Variants in ANKRD11 observed in about 807,000 individuals in gnomAD.
ANKRD11 encodes the protein ankyrin repeat domain 11, also known as ankyrin repeat domain-containing protein 11.
A neutral mutation model predicts 195.7 loss-of-function variants in ANKRD11; 17 were observed. That is an observed-to-expected ratio of 0.09 (90% CI 0.06 to 0.13). ANKRD11 has a LOEUF of 0.13. Among genes scored for constraint, ANKRD11 ranks in the 10% least tolerant of loss-of-function variants. The pLI, the probability that ANKRD11 is intolerant of heterozygous loss-of-function variation, is 1.00. For synonymous variants in ANKRD11, 1,953 were observed against 1,528.1 expected, an observed-to-expected ratio of 1.28 and a Z score of -6.49; for missense variants, 3,735 against 3,566.1, an observed-to-expected ratio of 1.05 and a Z score of -1.21.
At chr16:89,423,418 G>A (rs1730162583) in intron 1 of ANKRD11, among the ~76,000 whole-genome samples, 2 of 152,338 alleles carry the variant, frequency 1.3e-5, no homozygotes, top group East Asian at 1.9e-4. Flanking sequence ...CCCACAGAAC[G>A]GCCCGCAGTG....
chr16:89,386,409 C>T (rs956532668), intron 2 of ANKRD11, among the ~76,000 whole-genome samples: 1 of 152,160 alleles, frequency 6.6e-6, no homozygotes, highest in African/African-American at 2.4e-5. Flanking sequence ...CACCCTTTAC[C>T]CAAGGAGACG....
At chr16:89,409,569 G>C (rs570573638) in intron 2 of ANKRD11, among the ~76,000 whole-genome samples, 1 of 152,170 alleles carries the variant, frequency 6.6e-6, no homozygotes, top group Non-Finnish European at 1.5e-5. Flanking sequence ...ATCACACAGC[G>C]TTGGGAGGCA....
chr16:89,280,787 C>G lies in ANKRD11; in HGVS notation c.5755G>C (p.Ala1919Pro). ...TCCGGGGGGATGATGGCGGCCGTCGCCTGCTGGTCCTCGGAGGTGTCCAGG... is the reference window on the plus strand; with the variant it reads ...TCCGGGGGGATGATGGCGGCCGTCGGCTGCTGGTCCTCGGAGGTGTCCAGG... ...PDLDTSEDQQ[A>P]TAAIIPPEPS... Residue 1919 changes from alanine (A) to proline (P), a missense_variant, in exon 9 of 13, where the codon GCG becomes CCG. Transcript: ENST00000301030. 6.2e-7 allele frequency: 1 copy of G among 1,611,042 alleles called. No homozygotes were observed. The highest frequency in any genetic ancestry group is 8.5e-7 in the Non-Finnish European group (1 of 1,177,928).
chr16:89,274,711 C>G, intron 11 of ANKRD11, 103 bp downstream of exon 11: 1 of 1,545,608 alleles, frequency 6.5e-7, no homozygotes, highest in Non-Finnish European at 8.8e-7. Flanking sequence ...GTGCTGAGCA[C>G]CCGGGAAGCT....
chr16:89,314,880 C>T (rs572980692), intron 3 of ANKRD11, among the ~76,000 whole-genome samples: 1 of 152,300 alleles, frequency 6.6e-6, no homozygotes, highest in East Asian at 1.9e-4. Context: ...CTCTGTGAAG[C>T]GCAGGCCAGG....
rs112359998 is a variant in ANKRD11 at position 89,438,075 on chromosome 16, C to T, written c.-144-19707G>A. Among the ~76,000 whole-genome samples, 31 of 152,258 alleles carry T rather than the reference C, an allele frequency of 2.0e-4. 1 individual carries two copies. Among genetic ancestry groups the T allele is most frequent in the East Asian group, 5.8e-4 (3 of 5,174 alleles). On this transcript the variant is annotated intron_variant, in intron 1 of 12. Coordinates refer to ENST00000301030, the MANE Select transcript of ANKRD11 (RefSeq NM_013275.6). ...AAGTGGCAGTGTCCCAAGGAGAGCC[C>T]GCTGGCCAGGAGGGCACCGCAAGCT...
At position 89,280,145 on chromosome 16, in the gene ANKRD11, G is replaced by A. The variant is rs1327369167; in HGVS notation, c.6397C>T (p.Leu2133=). Residue 2133 remains leucine (L), a synonymous_variant, in exon 9 of 13, where the codon CTG becomes TTG. Coordinates refer to ENST00000301030, the MANE Select transcript of ANKRD11 (RefSeq NM_013275.6). ...AFAGPEDDLD[L]GPFSLPELPL... is the part of the protein sequence containing the mutation. ...AGCTCCGGCAGGGAGAAGGGCCCCA[G>A]GTCCAGGTCGTCCTCGGGGCCGGCG... 2.5e-6 allele frequency: 4 copies of A among 1,611,226 alleles called. No homozygotes were observed. The highest frequency in any genetic ancestry group is 2.5e-6 in the Non-Finnish European group (3 of 1,179,200).
rs1445153820 is a variant in ANKRD11 at position 89,447,509 on chromosome 16, A to G, written c.-144-29141T>C. Reference sequence around the variant, plus strand: ...CCCGGCTGTCGTCCACAATCCTACGAATCAGAGGGTCCTCGTGATCCCCAT... The same window carrying G: ...CCCGGCTGTCGTCCACAATCCTACGGATCAGAGGGTCCTCGTGATCCCCAT... On this transcript the variant is annotated intron_variant, in intron 1 of 12. Transcript: ENST00000301030. Among the ~76,000 whole-genome samples, 3 of 152,186 alleles carry G rather than the reference A, an allele frequency of 2.0e-5. No individual in the cohort carries two copies. The East Asian group carries it at 5.8e-4, about 29-fold the overall frequency.
At chr16:89,297,335 G>T (rs1000360030) in intron 4 of ANKRD11, among the ~76,000 whole-genome samples, 2 of 152,150 alleles carry the variant, frequency 1.3e-5, no homozygotes, top group African/African-American at 4.8e-5. Flanking sequence ...TTTCCATGGC[G>T]ATATTTTCAA....
intron 3 of ANKRD11, among the ~76,000 whole-genome samples, chr16:89,313,799 C>T (rs530702297): frequency 6.6e-6 from 1 of 152,314 alleles, no homozygotes; most frequent in South Asian, 2.1e-4. Flanking sequence ...TCTTCCCAGG[C>T]ATTCTATTTC....
intron 2 of ANKRD11, among the ~76,000 whole-genome samples, chr16:89,339,407 T>G (rs1001202928): frequency 7.9e-5 from 12 of 152,160 alleles, no homozygotes; most frequent in African/African-American, 2.9e-4. Flanking sequence ...CTGGGAAAGC[T>G]GGTCGGTAGC....
In ANKRD11 at chr16:89,282,894, C is replaced by T. The variant is rs1426959586; in HGVS notation, c.3648G>A (p.Lys1216=). The part of the protein sequence containing the change: ...KEKKDKESTE[K]YKDRKDRASV... ...AGGCTCTGTCCTTCCTGTCCTTGTA[C>T]TTTTCTGTGGACTCTTTATCCTTCT... Residue 1216 remains lysine (K), a synonymous_variant, in exon 9 of 13, where the codon AAG becomes AAA. Coordinates refer to ENST00000301030, the MANE Select transcript of ANKRD11 (RefSeq NM_013275.6). The T allele has an allele frequency of 1.2e-6, 2 of 1,613,046 alleles. No homozygotes were observed. The highest frequency in any genetic ancestry group is 8.5e-7 in the Non-Finnish European group (1 of 1,179,990).
At chr16:89,446,819 C>T (rs150626779) in intron 1 of ANKRD11, among the ~76,000 whole-genome samples, 1 of 152,176 alleles carries the variant, frequency 6.6e-6, no homozygotes, top group East Asian at 1.9e-4. Flanking sequence ...CTCGAGCATC[C>T]GCTTCTCTCC....
At position 89,423,982 on chromosome 16, in the gene ANKRD11, C is replaced by T. The variant is rs1248432085; in HGVS notation, c.-144-5614G>A. ...ACCTTGTAAGCGGGTAAGGGGACGGCGTACAACGGGATAATGAAACTCAGG... is the reference window on the plus strand; with the variant it reads ...ACCTTGTAAGCGGGTAAGGGGACGGTGTACAACGGGATAATGAAACTCAGG... On this transcript the variant is annotated intron_variant, in intron 1 of 12. Coordinates refer to ENST00000301030, the MANE Select transcript of ANKRD11 (RefSeq NM_013275.6). Among the ~76,000 whole-genome samples the T allele has an allele frequency of 5.3e-5, 8 of 151,988 alleles. No individual in the cohort carries two copies. In the East Asian group the frequency reaches 1.3e-3, roughly 26 times the overall value.
chr16:89,410,210 A>G (rs2042061213), intron 2 of ANKRD11, among the ~76,000 whole-genome samples: 1 of 152,206 alleles, frequency 6.6e-6, no homozygotes, highest in Admixed American at 6.5e-5. Flanking sequence ...GGCACCTCAC[A>G]GATGCCAACC....
rs2034308142 is a variant in ANKRD11 at position 89,282,159 on chromosome 16, C to T, written c.4383G>A (p.Lys1461=). The change falls in exon 9 of 13, where the codon AAG becomes AAA. Residue 1461 remains lysine (K), a synonymous_variant. Coordinates refer to ENST00000301030, the MANE Select transcript of ANKRD11 (RefSeq NM_013275.6). ...TCCATTTCTCCCTGTGTTTCTCTCT[C>T]TTCTTCTTCTCTTTTAGGATGTTGA... ...SAINILKEKK[K]REKHREKWRD... is the part of the protein sequence containing the mutation. The T allele has an allele frequency of 4.3e-6, 7 of 1,613,968 alleles. No individual in the cohort carries two copies. Among genetic ancestry groups the T allele is most frequent in the Non-Finnish European group, 5.9e-6 (7 of 1,179,938 alleles).
intron 2 of ANKRD11, chr16:89,320,208 G>C (rs2037220499): frequency 6.6e-6 from 1 of 152,184 alleles, no homozygotes. Flanking sequence ...CAGTTCCGCA[G>C]CCCCTGTGCC....
At chr16:89,273,314 G>A (rs539658588) in intron 11 of ANKRD11, among the ~76,000 whole-genome samples, 2 of 152,272 alleles carry the variant, frequency 1.3e-5, no homozygotes, top group South Asian at 4.1e-4. Context: ...CTGACTGCCT[G>A]TCCATCACAG....
At position 89,282,721 on chromosome 16, in the gene ANKRD11, G is replaced by A; in HGVS notation, c.3821C>T (p.Ala1274Val). 2 of 1,613,874 alleles carry A rather than the reference G, an allele frequency of 1.2e-6. No homozygotes were observed. The highest frequency in any genetic ancestry group is 1.7e-6 in the Non-Finnish European group (2 of 1,180,018). Residue 1274 changes from alanine (A) to valine (V), a missense_variant, in exon 9 of 13, where the codon GCC becomes GTC. Transcript: ENST00000301030. Reference sequence around the variant, plus strand: ...TTCAAGCAGGCTTTTTTCCGCGTCGGCACTTCTCGAGGACTTCCTCTCCTT... The same window carrying A: ...TTCAAGCAGGCTTTTTTCCGCGTCGACACTTCTCGAGGACTTCCTCTCCTT... The part of the protein sequence containing the change: ...HSKERKSSRS[A>V]DAEKSLLEKL...
Sources: allele counts gnomAD v4.1 joint callset (sites outside exome capture counted in the v4.1 genomes callset), GRCh38; gene constraint gnomAD v4.1.1; transcripts MANE v1.5; gene names NCBI Gene and HGNC (gene_info 2026-07-23, HGNC 2026-07-21).